The following ERBB3 variants were observed in gnomAD, a reference collection of about 807,000 sequenced individuals.
ERBB3 encodes the protein receptor tyrosine-protein kinase erbB-3.
ERBB3 carries 96 observed loss-of-function variants against 156.7 expected under a neutral mutation model. The observed-to-expected ratio is 0.61, with a 90% CI of 0.52 to 0.73. ERBB3 has a LOEUF of 0.73. Among genes scored for constraint, ERBB3 ranks in the 30% least tolerant of loss-of-function variants. ERBB3 has a pLI of 0.00. For synonymous variants in ERBB3, 567 were observed against 632.0 expected, an observed-to-expected ratio of 0.90 and a Z score of 1.54; for missense variants, 1,406 against 1,709.4, an observed-to-expected ratio of 0.82 and a Z score of 3.13.
chr12:56,088,309 C>A, intron 7 of ERBB3, 147 bp downstream of exon 7: 1 of 941,222 alleles, frequency 1.1e-6, no homozygotes. Flanking sequence ...AGTGAGTGAC[C>A]CTTACGTCCA....
At chr12:56,081,678 A>G (rs1056071942) in intron 1 of ERBB3, among the ~76,000 whole-genome samples, 1 of 152,118 alleles carries the variant, frequency 6.6e-6, no homozygotes, top group African/African-American at 2.4e-5. Context: ...GGCAGGAGGC[A>G]GGCATGGTTG....
At chr12:56,093,713 G>T in intron 12 of ERBB3, 51 bp from the exon 13 acceptor site, 1 of 1,611,218 alleles carries the variant, frequency 6.2e-7, no homozygotes. Context: ...TGAAGAGAGG[G>T]CTTGCTGGGA....
At position 56,089,075 on chromosome 12, in the gene ERBB3, G is replaced by A. The variant is rs75375961; in HGVS notation, c.1109+207G>A. ...GAACATCTTTGAGCAATTCAATATCGCCCTGCCAAGGAACAAGGGACAGGA... is the reference window on the plus strand; with the variant it reads ...GAACATCTTTGAGCAATTCAATATCACCCTGCCAAGGAACAAGGGACAGGA... On this transcript the variant is annotated intron_variant, in intron 9 of 27. Transcript: ENST00000267101. 0.024 allele frequency: 16,185 copies of A among 671,632 alleles called. 1,938 individuals are homozygous for A. In the African/African-American group the frequency reaches 0.26, roughly 11 times the overall value. The allele number at this position is 671,632 out of a possible 1,614,324, so 41.6% of individuals were successfully genotyped here. A position where few individuals can be genotyped will look rare whatever the true frequency, so the allele number is the denominator to read the frequency against.
At position 56,099,580 on chromosome 12, in the gene ERBB3, T is replaced by C. The variant is rs1006962481; in HGVS notation, c.2840-68T>C. 6.6e-6 allele frequency: 9 copies of C among 1,358,666 alleles called. No homozygotes were observed. In the African/African-American group the frequency reaches 1.1e-4, roughly 17 times the overall value. The allele number at this position is 1,358,666 out of a possible 1,614,324, so 84.2% of individuals were successfully genotyped here. A position where few individuals can be genotyped will look rare whatever the true frequency, so the allele number is the denominator to read the frequency against. On this transcript the variant is annotated intron_variant, in intron 23 of 27. Coordinates refer to ENST00000267101, the MANE Select transcript of ERBB3 (RefSeq NM_001982.4). Reference sequence around the variant, plus strand: ...TCCCAAAGTGCTGGGATTATAGGTGTGAGCCACCGCGCCCGGCCATGGAAT... The same window carrying C: ...TCCCAAAGTGCTGGGATTATAGGTGCGAGCCACCGCGCCCGGCCATGGAAT...
chr12:56,090,782 T>C (rs1204580546), intron 9 of ERBB3, among the ~76,000 whole-genome samples: 1 of 152,184 alleles, frequency 6.6e-6, no homozygotes, highest in Non-Finnish European at 1.5e-5. Flanking sequence ...GGTTCTTTCT[T>C]ACCCCTGTTA....
chr12:56,096,142 G>A lies in ERBB3; in HGVS notation c.2055+336G>A, dbSNP rs554602534. 7 of 507,446 alleles carry A rather than the reference G, an allele frequency of 1.4e-5. No homozygotes were observed. The East Asian group carries it at 2.2e-4, about 16-fold the overall frequency. 31.4% of individuals were successfully genotyped at this position (507,446 alleles called of 1,614,324 possible). On this transcript the variant is annotated intron_variant, in intron 17 of 27. Transcript: ENST00000267101. ...TAACATTTGTCCTTCCAGGATGGCT[G>A]TAAGGGTAAAGGGGGATGATGTATG...
At chr12:56,095,624 T>TG (rs1868863568) in intron 16 of ERBB3, 41 bp from the exon 17 acceptor site, 1 of 1,613,266 alleles carries the variant, frequency 6.2e-7, no homozygotes, top group East Asian at 2.2e-5. Context: ...GTAAGGAAGA[T>TG]GCAAACCCAG....
chr12:56,092,682 G>A, intron 9 of ERBB3, 65 bp from the exon 10 acceptor site: 1 of 1,077,750 alleles, frequency 9.3e-7, no homozygotes, highest in Non-Finnish European at 1.4e-6. Flanking sequence ...TGCTGAGGCT[G>A]GGTGTGCTCA....
In ERBB3 at chr12:56,099,916, G is replaced by C. The variant is rs1410402962; in HGVS notation, c.3016G>C (p.Glu1006Gln). The C allele has an allele frequency of 1.9e-6, 3 of 1,614,236 alleles. No homozygotes were observed. The highest frequency in any genetic ancestry group is 2.5e-6 in the Non-Finnish European group (3 of 1,180,040). The change falls in exon 25 of 28, where the codon GAG (glutamate) becomes CAG (glutamine). Residue 1006 changes from glutamate (E) to glutamine (Q), a missense_variant. Glu to Gln is a conservative substitution (Grantham distance 29). This residue lies in a region of ERBB3 where 415 missense variants were observed against 454.1 expected (regional missense o/e 0.91). Coordinates refer to ENST00000267101, the MANE Select transcript of ERBB3 (RefSeq NM_001982.4). ...CAAGAAGCTAGAGGAAGTAGAGCTG[G>C]AGCCAGAACTAGACCTAGACCTAGA... ...TNKKLEEVELEPELDLDLDLE... is the reference protein window; with the variant it reads ...TNKKLEEVELQPELDLDLDLE...
At position 56,101,969 on chromosome 12, in the gene ERBB3, AG is replaced by A. The variant is rs1869128753; in HGVS notation, c.3944del (p.Ser1315ThrfsTer2). 4.3e-6 allele frequency: 7 copies of A among 1,613,720 alleles called. No individual in the cohort carries two copies. Among genetic ancestry groups the A allele is most frequent in the Admixed American group, 3.3e-5 (2 of 59,936 alleles). ...TTATGCCCGCCTAAAAACTCTACGT[AG>A]CTTAGAGGCTACAGACTCTGCCTTT... ...VHYARLKTLR[S>X]LEATDSAFDN... On this transcript the variant is annotated frameshift_variant, in exon 28 of 28. Coordinates refer to ENST00000267101, the MANE Select transcript of ERBB3 (RefSeq NM_001982.4). LOFTEE classifies it high-confidence loss of function.
At chr12:56,099,804 C>T (rs2136825219) in intron 24 of ERBB3, 34 bp from the exon 25 acceptor site, 2 of 1,613,164 alleles carry the variant, frequency 1.2e-6, no homozygotes, top group African/African-American at 1.3e-5. Flanking sequence ...TGGCTGGAAC[C>T]AGGATTCCCC....
rs950728820 is a variant in ERBB3 at position 56,080,236 on chromosome 12, C to G, written c.-65C>G. The G allele has an allele frequency of 3.0e-6, 4 of 1,335,070 alleles. No individual in the cohort carries two copies. Among genetic ancestry groups the G allele is most frequent in the Admixed American group, 2.0e-5 (1 of 50,752 alleles). The allele number at this position is 1,335,070 out of a possible 1,614,324, so 82.7% of individuals were successfully genotyped here. On this transcript the variant is annotated 5_prime_UTR_variant, in exon 1 of 28. Coordinates refer to ENST00000267101, the MANE Select transcript of ERBB3 (RefSeq NM_001982.4). ...CCAGCGGTTCAGGTGGCTCTTGCCT[C>G]GATGTCCTAGCCTAGGGGCCCCCGG...
chr12:56,094,825 C>T (rs1868838808), intron 15 of ERBB3, among the ~76,000 whole-genome samples: 1 of 152,158 alleles, frequency 6.6e-6, no homozygotes, highest in Non-Finnish European at 1.5e-5. Context: ...GTGGCGCATG[C>T]CTGTAATCCC....
chr12:56,098,177 G>T, intron 21 of ERBB3: 2 of 567,874 alleles, frequency 3.5e-6, no homozygotes, highest in South Asian at 2.0e-5. Context: ...GGCCAAGGCG[G>T]GTGGATCACA....
intron 3 of ERBB3, 192 bp downstream of exon 3, chr12:56,085,373 C>A: frequency 1.4e-6 from 2 of 1,454,436 alleles, no homozygotes; most frequent in Non-Finnish European, 1.8e-6. Flanking sequence ...GGCATCTGCT[C>A]CAGGGAAAGG....
intron 12 of ERBB3, 61 bp from the exon 13 acceptor site, chr12:56,093,703 T>G: frequency 6.2e-7 from 1 of 1,609,028 alleles, no homozygotes; most frequent in Non-Finnish European, 8.5e-7. Context: ...GGAAGAATAA[T>G]GAAGAGAGGG....
Position 56,101,061 on chromosome 12 carries a change from G to A in ERBB3, c.3202G>A (p.Glu1068Lys), listed in dbSNP as rs1395403428. 5 of 1,613,144 alleles carry A rather than the reference G, an allele frequency of 3.1e-6. No homozygotes were observed. Among genetic ancestry groups the A allele is most frequent in the Non-Finnish European group, 4.2e-6 (5 of 1,179,650 alleles). Residue 1068 changes from glutamate to lysine, a missense_variant and splice_region_variant, in exon 27 of 28, where the codon GAG becomes AAG. Glu to Lys is a moderately conservative substitution (Grantham distance 56). This residue lies in a region of ERBB3 where 415 missense variants were observed against 454.1 expected (regional missense o/e 0.91). Transcript: ENST00000267101. ...NQGNLGESCQESAVSGSSERC... is the reference protein window; with the variant it reads ...NQGNLGESCQKSAVSGSSERC... The stretch of plus-strand genomic sequence containing the variant: ...ATTTTCTGTTTATTTTCTTCCTTAG[G>A]AGTCTGCAGTTTCTGGGAGCAGTGA...
Position 56,087,927 on chromosome 12 carries a change from C to T in ERBB3, c.732+14C>T, listed in dbSNP as rs2136794506. On this transcript the variant is annotated intron_variant, in intron 6 of 27. Coordinates refer to ENST00000267101, the MANE Select transcript of ERBB3 (RefSeq NM_001982.4). ...ACAGACTGCTTTGTATGTACCCTTTCCATTGCCTGGGTTCTGAAATTGGGA... is the reference window on the plus strand; with the variant it reads ...ACAGACTGCTTTGTATGTACCCTTTTCATTGCCTGGGTTCTGAAATTGGGA... The T allele has an allele frequency of 6.2e-7, 1 of 1,613,532 alleles. No individual in the cohort carries two copies. The highest frequency in any genetic ancestry group is 8.5e-7 in the Non-Finnish European group (1 of 1,179,416).
chr12:56,099,532 C>T (rs1869016129), intron 23 of ERBB3, 116 bp from the exon 24 acceptor site: 1 of 835,776 alleles, frequency 1.2e-6, no homozygotes, highest in Admixed American at 1.8e-5. Context: ...GTCCCGACCT[C>T]AGGTGATCCA....
Sources: gnomAD v4.1 joint callset for allele counts (sites outside exome capture counted in the v4.1 genomes callset) on GRCh38, gnomAD v4.1.1 for gene constraint, gnomAD v4.1.1 regional missense constraint, MANE v1.5 for transcripts, NCBI Gene and HGNC (gene_info 2026-07-23, HGNC 2026-07-21) for gene names.